MYLK: variants seen among roughly 807,000 people sequenced by gnomAD.
MYLK encodes the protein myosin light chain kinase, smooth muscle.
Under a neutral mutation model 203.4 loss-of-function variants are expected in MYLK, and 106 were observed. The observed-to-expected ratio is 0.52, with a 90% confidence interval of 0.45 to 0.61. MYLK has a LOEUF of 0.61. Ranked by LOEUF, MYLK falls within the 20% of genes least tolerant of loss-of-function variation. The pLI, the probability that MYLK is intolerant of heterozygous loss-of-function variation, is 0.00. For synonymous variants in MYLK, 867 were observed against 959.5 expected, an observed-to-expected ratio of 0.90 and a Z score of 1.78; for missense variants, 2,072 against 2,442.3, an observed-to-expected ratio of 0.85 and a Z score of 3.20.
intron 13 of MYLK, among the ~76,000 whole-genome samples, chr3:123,721,318 C>G (rs1381041245): frequency 6.6e-6 from 1 of 152,074 alleles, no homozygotes; most frequent in Non-Finnish European, 1.5e-5. Context: ...CCAGAGGACC[C>G]AGTCATGCAC....
At chr3:123,879,210 T>C (rs1577172858) in intron 1 of MYLK, among the ~76,000 whole-genome samples, 1 of 152,160 alleles carries the variant, frequency 6.6e-6, no homozygotes, top group African/African-American at 2.4e-5. Context: ...TGATCGAGTA[T>C]AAAATAAAAC....
At chr3:123,618,303 C>T (rs2057631564) in intron 33 of MYLK, 1 of 337,512 alleles carries the variant, frequency 3.0e-6, no homozygotes, top group Non-Finnish European at 5.7e-6. Flanking sequence ...ACATGCTTTT[C>T]AGCAGTTTGC....
chr3:123,630,240 A>C (rs1239619599), intron 29 of MYLK, among the ~76,000 whole-genome samples: 2 of 152,238 alleles, frequency 1.3e-5, no homozygotes, highest in Non-Finnish European at 2.9e-5. Flanking sequence ...CAGAGGACAG[A>C]GTGCAGCCTC....
Position 123,629,938 on chromosome 3 carries a change from A to G in MYLK, c.4962-312T>C, listed in dbSNP as rs2058341035. On this transcript the variant is annotated intron_variant, in intron 29 of 33. Transcript: ENST00000360304. This position sits in a 1 kb window ranked among gnomAD's most constrained non-coding sequence, Gnocchi z 4.4. ...ATAAGTCCCTCTGTCCTGGTTTTCTATTATTCCCCAAAGCCCAGGCTAGAG... is the reference window on the plus strand; with the variant it reads ...ATAAGTCCCTCTGTCCTGGTTTTCTGTTATTCCCCAAAGCCCAGGCTAGAG... The G allele has an allele frequency of 3.5e-5, 13 of 366,746 alleles. No homozygotes were observed. The highest frequency in any genetic ancestry group is 3.2e-4 in the South Asian group (12 of 37,296). 22.7% of individuals were successfully genotyped at this position (366,746 alleles called of 1,614,324 possible). A position where few individuals can be genotyped will look rare whatever the true frequency, so the allele number is the denominator to read the frequency against.
At chr3:123,679,287 C>A (rs2060179374) in intron 20 of MYLK, among the ~76,000 whole-genome samples, 1 of 142,478 alleles carries the variant, frequency 7.0e-6, no homozygotes. Context: ...AGCCTGGTGA[C>A]AGAGCGAGAC....
chr3:123,720,803 G>A (rs1301832585), intron 13 of MYLK, among the ~76,000 whole-genome samples: 8 of 152,164 alleles, frequency 5.3e-5, no homozygotes, highest in East Asian at 3.9e-4. Flanking sequence ...CAGAGCCAGC[G>A]TCAGTCACAT....
At chr3:123,660,472 C>A (rs1310126300) in intron 23 of MYLK, among the ~76,000 whole-genome samples, 1 of 152,178 alleles carries the variant, frequency 6.6e-6, no homozygotes, top group East Asian at 1.9e-4. Flanking sequence ...ACTGTCCCCT[C>A]CCTTATTCCC....
intron 33 of MYLK, among the ~76,000 whole-genome samples, chr3:123,615,548 G>C (rs1432897063): frequency 6.6e-6 from 1 of 151,746 alleles, no homozygotes; most frequent in Non-Finnish European, 1.5e-5. Flanking sequence ...TGACCAGGCT[G>C]GTCTGTATCT....
At chr3:123,828,261 T>C (rs1276584069) in intron 3 of MYLK, among the ~76,000 whole-genome samples, 2 of 152,022 alleles carry the variant, frequency 1.3e-5, no homozygotes, top group African/African-American at 2.4e-5. Context: ...AACAGACACA[T>C]AGACCAACGG....
At chr3:123,699,191 G>A (rs1040765458) in intron 18 of MYLK, among the ~76,000 whole-genome samples, 2 of 152,016 alleles carry the variant, frequency 1.3e-5, no homozygotes, top group East Asian at 1.9e-4. Flanking sequence ...CCAGACTTGG[G>A]ATTTACAAAA....
chr3:123,745,382 G>A (rs1453683095), intron 5 of MYLK, among the ~76,000 whole-genome samples: 2 of 152,188 alleles, frequency 1.3e-5, no homozygotes, highest in Non-Finnish European at 2.9e-5. Flanking sequence ...AACCTCTGGA[G>A]AAGTGCCTAG....
At chr3:123,634,293 A>G (rs1219848401) in intron 29 of MYLK, among the ~76,000 whole-genome samples, 1 of 152,214 alleles carries the variant, frequency 6.6e-6, no homozygotes, top group Non-Finnish European at 1.5e-5. Context: ...GCGTATTTCC[A>G]GGCTCAGCAG....
intron 20 of MYLK, among the ~76,000 whole-genome samples, chr3:123,677,745 A>G (rs1046149776): frequency 6.6e-6 from 1 of 151,538 alleles, no homozygotes; most frequent in Non-Finnish European, 1.5e-5. Flanking sequence ...TGTCAAATTT[A>G]CTCTTTGATT....
intron 12 of MYLK, among the ~76,000 whole-genome samples, chr3:123,723,263 T>TC (rs2062158099): frequency 6.6e-6 from 1 of 152,244 alleles, no homozygotes; most frequent in Admixed American, 6.5e-5. Flanking sequence ...CAGTGTTTTC[T>TC]TCTGCACATA....
chr3:123,720,200 T>G (rs1326883259), intron 13 of MYLK, among the ~76,000 whole-genome samples: 1 of 152,142 alleles, frequency 6.6e-6, no homozygotes, highest in African/African-American at 2.4e-5. Context: ...CTCTGTGCTT[T>G]TTGTTTTCCT....
At chr3:123,725,707 T>C (rs906429265) in intron 12 of MYLK, among the ~76,000 whole-genome samples, 1 of 152,216 alleles carries the variant, frequency 6.6e-6, no homozygotes, top group African/African-American at 2.4e-5. Flanking sequence ...ACCCTGCACA[T>C]AGGCAGCATG....
chr3:123,850,464 C>A lies in MYLK; in HGVS notation c.-126-18794G>T, dbSNP rs139618358. Among the ~76,000 whole-genome samples, 59 of 152,088 alleles carry A rather than the reference C, an allele frequency of 3.9e-4. 1 individual carries two copies. Among genetic ancestry groups the A allele is most frequent in the Non-Finnish European group, 6.3e-4 (43 of 67,966 alleles). ...ACTGGTGTGAGATGGTATCTCATTG[C>A]GGTTTTGATTTGCATTTCTCTGATG... On this transcript the variant is annotated intron_variant, in intron 2 of 33. Transcript: ENST00000360304.
intron 29 of MYLK, among the ~76,000 whole-genome samples, chr3:123,631,470 T>A (rs2058422211): frequency 6.6e-6 from 1 of 151,592 alleles, no homozygotes; most frequent in Non-Finnish European, 1.5e-5. Flanking sequence ...GCTTTACCAA[T>A]GTCCCTTCTC....
At chr3:123,877,154 C>T (rs950928274) in intron 1 of MYLK, among the ~76,000 whole-genome samples, 34 of 152,228 alleles carry the variant, frequency 2.2e-4, no homozygotes, top group African/African-American at 7.9e-4. Context: ...CAGTCACAGT[C>T]AGAGACACAG....
Sources: gnomAD v4.1 joint callset for allele counts (sites outside exome capture counted in the v4.1 genomes callset) on GRCh38, gnomAD v4.1.1 for gene constraint, Gnocchi (gnomAD v3.1) non-coding constraint, MANE v1.5 for transcripts, NCBI Gene and HGNC (gene_info 2026-07-23, HGNC 2026-07-21) for gene names.